IFI16: variants seen among roughly 807,000 people sequenced by gnomAD.
The protein encoded by IFI16 is gamma-interferon-inducible protein 16.
IFI16 carries 49 observed loss-of-function variants against 68.4 expected under a neutral mutation model. The observed-to-expected ratio is 0.72, with a 90% confidence interval of 0.57 to 0.91. The LOEUF (loss-of-function observed/expected upper bound fraction) is 0.91, where lower values mean the gene tolerates loss of function less well. Ranked by LOEUF, IFI16 falls within the 40% of genes least tolerant of loss-of-function variation. IFI16 has a pLI of 0.00. For missense variants in IFI16, 878 were observed against 942.9 expected (o/e 0.93, Z 0.90); for synonymous variants, 307 against 315.0 (o/e 0.97, Z 0.27).
At chr1:159,006,491 C>A (rs1435149730), upstream of IFI16, among the ~76,000 whole-genome samples, 1 of 152,144 alleles carries the variant, frequency 6.6e-6, no homozygotes, top group Admixed American at 6.5e-5. Flanking sequence ...GTTGGTGTTA[C>A]TACCTTATCA....
At chr1:159,036,458 A>G (rs1001117623) in intron 7 of IFI16, among the ~76,000 whole-genome samples, 1 of 152,204 alleles carries the variant, frequency 6.6e-6, no homozygotes, top group Non-Finnish European at 1.5e-5. Context: ...TTAAAACTTT[A>G]CTCAAGCTGA....
At chr1:159,042,030 T>C (rs1332510033) in intron 7 of IFI16, among the ~76,000 whole-genome samples, 1 of 152,236 alleles carries the variant, frequency 6.6e-6, no homozygotes, top group African/African-American at 2.4e-5. Flanking sequence ...ATAGGAGTTA[T>C]TCTGCTGCAC....
chr1:159,044,388 G>A (rs566835667), intron 7 of IFI16, among the ~76,000 whole-genome samples: 1 of 152,240 alleles, frequency 6.6e-6, no homozygotes, highest in East Asian at 1.9e-4. Context: ...TGAAAATACA[G>A]TGTTTTGTTT....
At chr1:159,007,663 C>G (rs1173463468), upstream of IFI16, among the ~76,000 whole-genome samples, 1 of 152,106 alleles carries the variant, frequency 6.6e-6, no homozygotes, top group African/African-American at 2.4e-5. Flanking sequence ...GTGGGGTCCT[C>G]ATAATGTGAT....
rs371949533 is a variant in IFI16 at position 159,035,599 on chromosome 1, G to A, written c.1329+2908G>A. On this transcript the variant is annotated intron_variant, in intron 7 of 11. Coordinates refer to ENST00000295809, the MANE Select transcript of IFI16 (RefSeq NM_001376587.1). ...CATTTATTCTTGGGTGTCCACTATC[G>A]TCTGTAAATACAGTTGTCTGTCTAA... Among the ~76,000 whole-genome samples, 44 of 151,284 alleles carry A rather than the reference G, an allele frequency of 2.9e-4. No individual in the cohort carries two copies. The South Asian group carries it at 5.7e-3, about 20-fold the overall frequency.
intron 5 of IFI16, 123 bp downstream of exon 5, chr1:159,018,774 G>T: frequency 1.4e-6 from 1 of 699,088 alleles, no homozygotes; most frequent in Admixed American, 2.6e-5. Context: ...GAAGACTAAT[G>T]ACAGGTGGAT....
At chr1:159,034,973 C>T (rs1309346699) in intron 7 of IFI16, among the ~76,000 whole-genome samples, 1 of 152,108 alleles carries the variant, frequency 6.6e-6, no homozygotes, top group Non-Finnish European at 1.5e-5. Flanking sequence ...ACTGAGGGTT[C>T]GGAAGCCTGT....
chr1:159,029,903 T>A (rs4531291), intron 6 of IFI16, among the ~76,000 whole-genome samples: 42,938 of 151,794 alleles, frequency 0.28, 8,182 homozygotes, highest in African/African-American at 0.54. Flanking sequence ...GCTGGTCTCA[T>A]ACTCCTGACC....
At chr1:159,015,289 T>A (rs1296362180) in intron 2 of IFI16, among the ~76,000 whole-genome samples, 1 of 152,210 alleles carries the variant, frequency 6.6e-6, no homozygotes, top group Non-Finnish European at 1.5e-5. Flanking sequence ...AGCCAATGAA[T>A]GTATCTGTTC....
At chr1:159,008,299 A>C (rs549794697), upstream of IFI16, among the ~76,000 whole-genome samples, 1 of 152,252 alleles carries the variant, frequency 6.6e-6, no homozygotes, top group South Asian at 2.1e-4. Flanking sequence ...CTTTATCAGG[A>C]ATTTTTGTAT....
chr1:159,033,937 AAC>A (rs1360272772), intron 7 of IFI16, among the ~76,000 whole-genome samples: 3 of 152,222 alleles, frequency 2.0e-5, no homozygotes, highest in Non-Finnish European at 4.4e-5. Context: ...ATGGAAATTA[AAC>A]TAATATTAAT....
chr1:159,033,943 T>C (rs1379197776), intron 7 of IFI16, among the ~76,000 whole-genome samples: 1 of 152,126 alleles, frequency 6.6e-6, no homozygotes, highest in Non-Finnish European at 1.5e-5. Flanking sequence ...ATTAAACTAA[T>C]ATTAATAAAT....
chr1:159,013,539 ATTAAT>A (rs1652720096), intron 1 of IFI16, among the ~76,000 whole-genome samples: 1 of 152,214 alleles, frequency 6.6e-6, no homozygotes, highest in South Asian at 2.1e-4. Flanking sequence ...TAAAAAATTC[ATTAAT>A]TTAAAAGTTT....
chr1:159,036,080 G>A (rs766840126), intron 7 of IFI16, among the ~76,000 whole-genome samples: 2 of 152,136 alleles, frequency 1.3e-5, no homozygotes, highest in Non-Finnish European at 2.9e-5. Flanking sequence ...AATATGAGAC[G>A]GCAGTTAATC....
rs1025685204 is a variant in IFI16, at chr1:159,054,990, A to G, written c.*89A>G. ...ATATACCTGGTTGAAATACAACACT[A>G]TACATACACACCACCATATATACTA... On this transcript the variant is annotated 3_prime_UTR_variant, in exon 12 of 12. Transcript: ENST00000295809. The G allele has an allele frequency of 4.6e-6, 3 of 652,688 alleles. No individual in the cohort carries two copies. The African/African-American group carries it at 5.4e-5, about 12-fold the overall frequency. The allele number at this position is 652,688 out of a possible 1,614,324, so 40.4% of individuals were successfully genotyped here.
At chr1:159,034,598 G>A (rs1355764193) in intron 7 of IFI16, among the ~76,000 whole-genome samples, 1 of 152,008 alleles carries the variant, frequency 6.6e-6, no homozygotes, top group Non-Finnish European at 1.5e-5. Context: ...TCCTTTGCTG[G>A]GATCACTTTC....
In IFI16 at chr1:159,035,618, T is replaced by C. The variant is rs1157557343; in HGVS notation, c.1329+2927T>C. Among the ~76,000 whole-genome samples the C allele has an allele frequency of 6.4e-5, 7 of 109,908 alleles. No individual in the cohort carries two copies. In the Admixed American group the frequency reaches 7.3e-4, roughly 11 times the overall value. 72.1% of individuals were successfully genotyped at this position (109,908 alleles called of 152,430 possible). On this transcript the variant is annotated intron_variant, in intron 7 of 11. Coordinates refer to ENST00000295809, the MANE Select transcript of IFI16 (RefSeq NM_001376587.1). ...ACTATCGTCTGTAAATACAGTTGTC[T>C]GTCTAACTACTTTCCTAGTGACTCG...
intron 7 of IFI16, among the ~76,000 whole-genome samples, chr1:159,042,391 T>A (rs1284103599): frequency 1.3e-5 from 2 of 152,218 alleles, no homozygotes; most frequent in Non-Finnish European, 2.9e-5. Context: ...CCCCCAGTAT[T>A]ACTATACCAA....
At chr1:159,021,422 C>A (rs1283998876) in intron 6 of IFI16, among the ~76,000 whole-genome samples, 2 of 152,138 alleles carry the variant, frequency 1.3e-5, no homozygotes, top group Non-Finnish European at 2.9e-5. Context: ...CTGTGAATGC[C>A]GTTATTTTGT....
Sources: gnomAD v4.1 joint callset for allele counts (sites outside exome capture counted in the v4.1 genomes callset) on GRCh38, gnomAD v4.1.1 for gene constraint, MANE v1.5 for transcripts, NCBI Gene and HGNC (gene_info 2026-07-23, HGNC 2026-07-21) for gene names.